Variants in MTA3 observed in about 807,000 individuals in gnomAD.
MTA3 encodes metastasis-associated protein MTA3.
A neutral mutation model predicts 83.5 loss-of-function variants in MTA3; 34 were observed. That is an observed-to-expected ratio of 0.41 (90% CI 0.31 to 0.54). The LOEUF (loss-of-function observed/expected upper bound fraction) is 0.54, where lower values mean the gene tolerates loss of function less well. Among genes scored for constraint, MTA3 ranks in the 20% least tolerant of loss-of-function variants. The pLI is 0.33. For missense variants in MTA3, 761 were observed against 726.4 expected (o/e 1.05, Z -0.55); for synonymous variants, 303 against 252.7 (o/e 1.20, Z -1.89).
chr2:42,633,612 C>A (rs781484220), intron 4 of MTA3, among the ~76,000 whole-genome samples: 33 of 150,626 alleles, frequency 2.2e-4, no homozygotes, highest in Non-Finnish European at 7.4e-5. Context: ...ATATTCTTGG[C>A]TGGGCGCGGT....
intron 9 of MTA3, among the ~76,000 whole-genome samples, chr2:42,683,686 A>C (rs1338068637): frequency 6.6e-6 from 1 of 152,168 alleles, no homozygotes; most frequent in Admixed American, 6.5e-5. Context: ...GAAGTACGCT[A>C]CCTAGATCCC....
At chr2:42,550,924 C>T (rs1384857675) in intron 2 of MTA3, among the ~76,000 whole-genome samples, 4 of 151,828 alleles carry the variant, frequency 2.6e-5, no homozygotes, top group Non-Finnish European at 4.4e-5. Flanking sequence ...CACCTGTAGT[C>T]CCAGCTACCC....
At chr2:42,629,328 C>G (rs1000463223) in intron 4 of MTA3, among the ~76,000 whole-genome samples, 1 of 152,274 alleles carries the variant, frequency 6.6e-6, no homozygotes, top group Non-Finnish European at 1.5e-5. Context: ...ATTCACCTGC[C>G]TCGGCCTCCC....
At chr2:42,567,705 G>T (rs985995775), upstream of MTA3, among the ~76,000 whole-genome samples, 1 of 151,778 alleles carries the variant, frequency 6.6e-6, no homozygotes, top group African/African-American at 2.4e-5. Context: ...GTTGTTTAGA[G>T]AATTGGCCTG....
intron 2 of MTA3, among the ~76,000 whole-genome samples, chr2:42,534,965 G>C (rs1676154090): frequency 6.6e-6 from 1 of 151,998 alleles, no homozygotes; most frequent in African/African-American, 2.4e-5. Context: ...CTGAGACAAT[G>C]AATGAATGAA....
At chr2:42,598,040 C>T (rs190962978) in intron 3 of MTA3, among the ~76,000 whole-genome samples, 80 of 150,868 alleles carry the variant, frequency 5.3e-4, no homozygotes, top group African/African-American at 1.8e-3. Flanking sequence ...CACTGAATTC[C>T]GGATCTTTTT....
chr2:42,719,760 C>G (rs549317307), intron 15 of MTA3, among the ~76,000 whole-genome samples: 6 of 152,176 alleles, frequency 3.9e-5, no homozygotes, highest in Non-Finnish European at 8.8e-5. Context: ...TGCCATCTGA[C>G]TTGGAAATCT....
chr2:42,551,680 G>A (rs538510504), intron 2 of MTA3, among the ~76,000 whole-genome samples: 43 of 152,222 alleles, frequency 2.8e-4, no homozygotes, highest in African/African-American at 1.0e-3. Flanking sequence ...GAGTGCTGGG[G>A]AGTTGAGCAG....
intron 2 of MTA3, among the ~76,000 whole-genome samples, chr2:42,546,322 G>A (rs1676756568): frequency 6.6e-6 from 1 of 152,134 alleles, no homozygotes; most frequent in African/African-American, 2.4e-5. Flanking sequence ...CCCACACTGA[G>A]GAAGAAGCCT....
chr2:42,505,749 G>A (rs1174905039), intron 2 of MTA3, among the ~76,000 whole-genome samples: 2 of 151,080 alleles, frequency 1.3e-5, no homozygotes, highest in Non-Finnish European at 2.9e-5. Flanking sequence ...TAGATGAAAC[G>A]AGATGGGCCA....
At chr2:42,697,872 C>G (rs777302498) in intron 11 of MTA3, 38 bp downstream of exon 11, 61 of 1,397,568 alleles carry the variant, frequency 4.4e-5, no homozygotes, top group Non-Finnish European at 5.8e-5. Context: ...TTGTTTTGGT[C>G]TTAATTTTAT....
In MTA3 at chr2:42,579,177, T is replaced by C. The variant is rs779900158; in HGVS notation, c.167T>C (p.Ile56Thr). Residue 56 changes from isoleucine (I) to threonine (T), a missense_variant, in exon 3 of 17, where the codon ATA (isoleucine) becomes ACA (threonine). Coordinates refer to ENST00000405094, the MANE Select transcript of MTA3 (RefSeq NM_001330442.2). ...YRRRDISNTL[I>T]MLADKHAKEI... ...CGACGTGATATTTCCAACACACTTATAATGCTCGCAGATAAGCATGCTAGT... is the reference window on the plus strand; with the variant it reads ...CGACGTGATATTTCCAACACACTTACAATGCTCGCAGATAAGCATGCTAGT... 17 of 1,602,450 alleles carry C rather than the reference T, an allele frequency of 1.1e-5. No individual in the cohort carries two copies. In the Admixed American group the frequency reaches 1.6e-4, roughly 15 times the overall value.
At chr2:42,631,802 G>T (rs1050032920) in intron 4 of MTA3, among the ~76,000 whole-genome samples, 17 of 152,090 alleles carry the variant, frequency 1.1e-4, no homozygotes, top group Admixed American at 4.6e-4. Flanking sequence ...TGATTCTCCT[G>T]CCTCAGCCTC....
At chr2:42,629,289 C>T (rs1368176747) in intron 4 of MTA3, among the ~76,000 whole-genome samples, 1 of 152,052 alleles carries the variant, frequency 6.6e-6, no homozygotes, top group African/African-American at 2.4e-5. Flanking sequence ...CCGTGTTGGC[C>T]AGGCTGATCT....
intron 2 of MTA3, among the ~76,000 whole-genome samples, chr2:42,506,627 ATTTAT>A (rs1674642980): frequency 3.2e-4 from 2 of 6,348 alleles, no homozygotes; most frequent in Admixed American, 5.7e-3. Flanking sequence ...TATTATTATT[ATTTAT>A]TTATTTATTT....
At chr2:42,678,149 T>G (rs961524610) in intron 8 of MTA3, among the ~76,000 whole-genome samples, 3 of 152,056 alleles carry the variant, frequency 2.0e-5, no homozygotes, top group South Asian at 4.1e-4. Context: ...GTTTTGTTTT[T>G]TTTTTTCAAC....
At chr2:42,557,100 A>C (rs1257593102) in intron 2 of MTA3, among the ~76,000 whole-genome samples, 1 of 152,058 alleles carries the variant, frequency 6.6e-6, no homozygotes, top group Non-Finnish European at 1.5e-5. Flanking sequence ...AGAAAAGACC[A>C]GGTGAGGTGG....
At chr2:42,499,557 C>T (rs564612200) in intron 2 of MTA3, among the ~76,000 whole-genome samples, 96 of 149,560 alleles carry the variant, frequency 6.4e-4, no homozygotes, top group African/African-American at 2.3e-3. Flanking sequence ...TTTCGGAGGC[C>T]GAGTCAGGCA....
intron 3 of MTA3, among the ~76,000 whole-genome samples, chr2:42,588,807 C>CAT (rs10545917): frequency 4.5e-4 from 68 of 151,562 alleles, no homozygotes; most frequent in East Asian, 1.2e-3. Context: ...ATGTATTATA[C>CAT]ATATATATAT....
Sources: allele counts gnomAD v4.1 joint callset (sites outside exome capture counted in the v4.1 genomes callset), GRCh38; gene constraint gnomAD v4.1.1; transcripts MANE v1.5; gene names NCBI Gene and HGNC (gene_info 2026-07-23, HGNC 2026-07-21).